The following OLFML2B variants were observed in gnomAD, a reference collection of about 807,000 sequenced individuals.
OLFML2B encodes olfactomedin like 2B, also known as olfactomedin-like protein 2B.
Under a neutral mutation model 74.9 loss-of-function variants are expected in OLFML2B, and 57 were observed. The ratio of observed to expected loss-of-function variants is 0.76; its 90% CI spans 0.61 to 0.95. The LOEUF (loss-of-function observed/expected upper bound fraction) is 0.95. Among genes scored for constraint, OLFML2B ranks in the 40% least tolerant of loss-of-function variants. OLFML2B has a pLI of 0.00. For synonymous variants in OLFML2B, 388 were observed against 405.8 expected (o/e 0.96, Z 0.53); for missense variants, 986 against 970.6 (o/e 1.02, Z -0.21).
At chr1:162,003,796 A>G (rs929670344) in intron 4 of OLFML2B, among the ~76,000 whole-genome samples, 4 of 152,182 alleles carry the variant, frequency 2.6e-5, no homozygotes, top group African/African-American at 9.7e-5. Flanking sequence ...GGAACCCTGA[A>G]AATGAACAAC....
At chr1:161,995,958 C>T (rs1174480273) in intron 6 of OLFML2B, among the ~76,000 whole-genome samples, 3 of 152,190 alleles carry the variant, frequency 2.0e-5, no homozygotes, top group African/African-American at 7.2e-5. Context: ...CTGCCCAGAG[C>T]TGGTGCACAA....
intron 6 of OLFML2B, among the ~76,000 whole-genome samples, chr1:161,990,946 G>C (rs1458833245): frequency 6.6e-6 from 1 of 152,170 alleles, no homozygotes; most frequent in Non-Finnish European, 1.5e-5. Context: ...CACTTTCTTT[G>C]TTCATCAATA....
chr1:161,999,499 T>C (rs1369828535), intron 5 of OLFML2B, among the ~76,000 whole-genome samples: 5 of 151,660 alleles, frequency 3.3e-5, no homozygotes, highest in Non-Finnish European at 5.9e-5. Context: ...TCAGCCCTGA[T>C]GGGGAAGGAC....
At chr1:161,990,649 G>T (rs1375717389) in intron 6 of OLFML2B, among the ~76,000 whole-genome samples, 1 of 152,222 alleles carries the variant, frequency 6.6e-6, no homozygotes, top group African/African-American at 2.4e-5. Flanking sequence ...TTGATCAGAG[G>T]AGTGGATGCT....
chr1:161,998,109 G>A lies in OLFML2B; in HGVS notation c.1190C>T (p.Thr397Ile). The A allele has an allele frequency of 6.2e-7, 1 of 1,614,012 alleles. No individual in the cohort carries two copies. Among genetic ancestry groups the A allele is most frequent in the Admixed American group, 1.7e-5 (1 of 60,032 alleles). The part of the protein sequence containing the change: ...NHASVGPTLQ[T>I]TSVSPDPTRE... ...TGTGGGATCTGGAGACACCGAGGTT[G>A]TTTGGAGTGTTGGTCCCACTGAGGC... The change falls in exon 6 of 8, where the codon ACA becomes ATA. Residue 397 changes from threonine to isoleucine, a missense_variant. Coordinates refer to ENST00000294794, the MANE Select transcript of OLFML2B (RefSeq NM_015441.3).
intron 1 of OLFML2B, among the ~76,000 whole-genome samples, chr1:162,022,447 C>T (rs1338006143): frequency 6.6e-6 from 1 of 151,926 alleles, no homozygotes; most frequent in African/African-American, 2.4e-5. Flanking sequence ...GATGGGGTTT[C>T]ATCATATTGG....
intron 3 of OLFML2B, among the ~76,000 whole-genome samples, chr1:162,013,021 C>A (rs533297949): frequency 2.3e-4 from 35 of 152,308 alleles, no homozygotes; most frequent in Middle Eastern, 3.4e-3. Flanking sequence ...TTAGGCCTGG[C>A]AGCCTACAAG....
chr1:162,023,708 T>G lies in OLFML2B; in HGVS notation c.-278A>C. On this transcript the variant is annotated 5_prime_UTR_variant, in exon 1 of 8. Transcript: ENST00000294794. ...GGAGAAGGTGGAGGCGGGCACGGGCTAGCTGAGCGAGTCGCCCGCAGGAGG... is the reference window on the plus strand; with the variant it reads ...GGAGAAGGTGGAGGCGGGCACGGGCGAGCTGAGCGAGTCGCCCGCAGGAGG... 1 of 248,034 alleles carries G rather than the reference T, an allele frequency of 4.0e-6. No individual in the cohort carries two copies. Among genetic ancestry groups the G allele is most frequent in the Non-Finnish European group, 7.7e-6 (1 of 130,662 alleles). 15.4% of individuals were successfully genotyped at this position (248,034 alleles called of 1,614,324 possible). A position where few individuals can be genotyped will look rare whatever the true frequency, so the allele number is the denominator to read the frequency against.
In OLFML2B at chr1:162,017,449, A is replaced by G. The variant is rs765263625; in HGVS notation, c.497T>C (p.Leu166Pro). 6 of 1,613,614 alleles carry G rather than the reference A, an allele frequency of 3.7e-6. No individual in the cohort carries two copies. Among genetic ancestry groups the G allele is most frequent in the South Asian group, 1.1e-5 (1 of 90,928 alleles). Residue 166 changes from leucine to proline, a missense_variant, in exon 3 of 8, where the codon CTA becomes CCA. Coordinates refer to ENST00000294794, the MANE Select transcript of OLFML2B (RefSeq NM_015441.3). ...GAFYGLDLLKLHSVTTKLVGR... is the reference protein window; with the variant it reads ...GAFYGLDLLKPHSVTTKLVGR... The stretch of plus-strand genomic sequence containing the variant: ...CACCAGTTTGGTGGTGACTGAATGT[A>G]GCTTCAGGAGATCCAGGCCATAGAA...
chr1:161,988,883 T>C (rs1689660412), intron 6 of OLFML2B, among the ~76,000 whole-genome samples: 1 of 152,192 alleles, frequency 6.6e-6, no homozygotes, highest in Non-Finnish European at 1.5e-5. Context: ...GGAAATCATT[T>C]GCTTCAGTTC....
At chr1:162,009,026 G>A (rs906790171) in intron 3 of OLFML2B, among the ~76,000 whole-genome samples, 3 of 152,168 alleles carry the variant, frequency 2.0e-5, no homozygotes, top group African/African-American at 7.2e-5. Flanking sequence ...GATTCAATGT[G>A]TTACCTTTTT....
chr1:162,008,144 C>T (rs1177972457), intron 3 of OLFML2B, among the ~76,000 whole-genome samples: 1 of 152,180 alleles, frequency 6.6e-6, no homozygotes, highest in Non-Finnish European at 1.5e-5. Context: ...AGGCACATTA[C>T]TGAAACACCT....
intron 3 of OLFML2B, among the ~76,000 whole-genome samples, chr1:162,011,410 C>T (rs1451473374): frequency 6.6e-6 from 1 of 152,178 alleles, no homozygotes; most frequent in African/African-American, 2.4e-5. Context: ...ACCTTTGCAC[C>T]CTCCAGGAGA....
chr1:162,017,594 C>T (rs779122689), intron 2 of OLFML2B, 87 bp from the exon 3 acceptor site: 9 of 931,724 alleles, frequency 9.7e-6, no homozygotes, highest in African/African-American at 1.7e-5. Context: ...ACTGGGGGCT[C>T]GACAGGAAAG....
rs1384344410 is a variant in OLFML2B at position 162,017,561 on chromosome 1, A to C, written c.439-54T>G. Reference sequence around the variant, plus strand: ...GGGCTGGGGCACACAGACACAGGGCAGAGTTTCCTTTCAGATCTGCATACT... The same window carrying C: ...GGGCTGGGGCACACAGACACAGGGCCGAGTTTCCTTTCAGATCTGCATACT... On this transcript the variant is annotated intron_variant, in intron 2 of 7. Coordinates refer to ENST00000294794, the MANE Select transcript of OLFML2B (RefSeq NM_015441.3). The C allele has an allele frequency of 2.2e-6, 3 of 1,355,622 alleles. No individual in the cohort carries two copies. The East Asian group carries it at 7.2e-5, about 32-fold the overall frequency. The allele number at this position is 1,355,622 out of a possible 1,614,324, so 84.0% of individuals were successfully genotyped here.
In OLFML2B at chr1:161,983,895, AC is replaced by A. The variant is rs1245328199; in HGVS notation, c.2032del (p.Val678SerfsTer47). The A allele has an allele frequency of 6.2e-6, 10 of 1,614,100 alleles. No individual in the cohort carries two copies. Among genetic ancestry groups the A allele is most frequent in the Non-Finnish European group, 8.5e-6 (10 of 1,180,032 alleles). ...LRRNFYGNCF[V>X]ICGVLYAVDS... ...CACGGCATACAGCACCCCACAGATG[AC>A]GAAGCAGTTGCCGTAGAAATTCCTC... On this transcript the variant is annotated frameshift_variant, in exon 8 of 8. Transcript: ENST00000294794. LOFTEE classifies it high-confidence loss of function.
intron 2 of OLFML2B, among the ~76,000 whole-genome samples, chr1:162,018,342 C>T (rs1291964780): frequency 1.3e-5 from 2 of 152,112 alleles, no homozygotes; most frequent in Admixed American, 6.5e-5. Context: ...TCTCTGTTTC[C>T]CCAAGATAGC....
intron 2 of OLFML2B, 146 bp downstream of exon 2, chr1:162,019,773 A>G (rs1268547764): frequency 2.9e-6 from 3 of 1,021,574 alleles, no homozygotes; most frequent in Non-Finnish European, 4.2e-6. Flanking sequence ...GTTTGCTAGG[A>G]CATCAACCTT....
intron 6 of OLFML2B, among the ~76,000 whole-genome samples, chr1:161,996,538 A>T (rs954044757): frequency 2.4e-4 from 37 of 152,256 alleles, no homozygotes; most frequent in African/African-American, 8.7e-4. Flanking sequence ...GATATGTATA[A>T]GGCAGGCCAA....
Sources: gnomAD v4.1 joint callset for allele counts (sites outside exome capture counted in the v4.1 genomes callset) on GRCh38, gnomAD v4.1.1 for gene constraint, MANE v1.5 for transcripts, NCBI Gene and HGNC (gene_info 2026-07-23, HGNC 2026-07-21) for gene names.